Variants in ZNF573 observed in about 807,000 individuals in gnomAD.
ZNF573 encodes the protein zinc finger protein 573.
A neutral mutation model predicts 57.4 loss-of-function variants in ZNF573; 41 were observed. That is an observed-to-expected ratio of 0.71 (90% confidence interval 0.56 to 0.93). The LOEUF (loss-of-function observed/expected upper bound fraction) is 0.93, where lower values mean the gene tolerates loss of function less well. Ranked by LOEUF, ZNF573 falls within the 40% of genes least tolerant of loss-of-function variation. The pLI, the probability that ZNF573 is intolerant of heterozygous loss-of-function variation, is 0.00. For synonymous variants in ZNF573, 249 were observed against 261.0 expected, an observed-to-expected ratio of 0.95 and a Z score of 0.44; for missense variants, 730 against 794.8, an observed-to-expected ratio of 0.92 and a Z score of 0.98.
chr19:37,775,014 T>C (rs923130669), intron 1 of ZNF573, among the ~76,000 whole-genome samples: 3 of 149,034 alleles, frequency 2.0e-5, no homozygotes, highest in South Asian at 2.1e-4. Context: ...CTCTCTCTCT[T>C]TTTTTTTTTT....
At chr19:37,773,624 T>C (rs1158730701) in intron 2 of ZNF573, 37 bp downstream of exon 2, 2 of 1,490,848 alleles carry the variant, frequency 1.3e-6, no homozygotes, top group African/African-American at 2.8e-5. Context: ...TAACCTATGA[T>C]CATGATATTG....
Position 37,769,990 on chromosome 19 carries a change from C to A in ZNF573, c.295+15G>T, listed in dbSNP as rs1405602108. ...GGCTGTGGCCGGCCCTGATGGTGTC[C>A]CCTGCCTTCCTTACCTGTGAACTGT... On this transcript the variant is annotated intron_variant, in intron 4 of 4. Transcript: ENST00000536220. 5.2e-6 allele frequency: 8 copies of A among 1,548,364 alleles called. No homozygotes were observed. The highest frequency in any genetic ancestry group is 7.0e-6 in the Non-Finnish European group (8 of 1,144,454).
chr19:37,771,456 G>A, intron 3 of ZNF573, 108 bp downstream of exon 3: 1 of 1,308,534 alleles, frequency 7.6e-7, no homozygotes, highest in Non-Finnish European at 1.1e-6. Context: ...TCTAAGAACA[G>A]GAAGGAGAAA....
chr19:37,768,469 T>C (rs1348597635), intron 4 of ZNF573, among the ~76,000 whole-genome samples: 1 of 152,060 alleles, frequency 6.6e-6, no homozygotes, highest in African/African-American at 2.4e-5. Flanking sequence ...CCTTCTAAGC[T>C]CTTTATTCAG....
chr19:37,739,055 A>G lies in ZNF573; in HGVS notation c.1435T>C (p.Tyr479His), dbSNP rs1568413787. The G allele has an allele frequency of 5.6e-6, 9 of 1,613,286 alleles. No homozygotes were observed. Among genetic ancestry groups the G allele is most frequent in the Non-Finnish European group, 7.6e-6 (9 of 1,179,734 alleles). Residue 479 changes from tyrosine to histidine, a missense_variant, in exon 5 of 5, where the codon TAT (tyrosine) becomes CAT (histidine). Transcript: ENST00000536220. ...TGAATAAGGTTTGAGCCAGTACTATAGGCCTTCCCACATTCCTGACATTCA... is the reference window on the plus strand; with the variant it reads ...TGAATAAGGTTTGAGCCAGTACTATGGGCCTTCCCACATTCCTGACATTCA... ...LFECQECGKA[Y>H]STGSNLIQHR... is the part of the protein sequence containing the mutation.
chr19:37,762,103 T>C (rs751512109), intron 4 of ZNF573, among the ~76,000 whole-genome samples: 3 of 152,204 alleles, frequency 2.0e-5, no homozygotes, highest in African/African-American at 4.8e-5. Flanking sequence ...ATGGGAAGAA[T>C]AGAACATCAC....
intron 4 of ZNF573, among the ~76,000 whole-genome samples, chr19:37,760,493 A>G (rs897737689): frequency 6.6e-6 from 1 of 152,222 alleles, no homozygotes; most frequent in Non-Finnish European, 1.5e-5. Context: ...AATTGAATAA[A>G]TAGAGGAAAA....
chr19:37,746,149 A>G (rs1179787040), intron 4 of ZNF573, among the ~76,000 whole-genome samples: 1 of 152,266 alleles, frequency 6.6e-6, no homozygotes, highest in Admixed American at 6.5e-5. Context: ...TACTGCTTGT[A>G]GGTAATCAAT....
chr19:37,756,639 T>G (rs1245786893), intron 4 of ZNF573, among the ~76,000 whole-genome samples: 1 of 152,140 alleles, frequency 6.6e-6, no homozygotes, highest in African/African-American at 2.4e-5. Context: ...TAATGGCTCT[T>G]TGCATTCGGT....
intron 4 of ZNF573, among the ~76,000 whole-genome samples, chr19:37,762,773 T>A (rs1377619813): frequency 6.6e-6 from 1 of 150,920 alleles, no homozygotes; most frequent in Non-Finnish European, 1.5e-5. Context: ...TTGGAGCCAG[T>A]CTTTTTTTTT....
At chr19:37,755,278 A>C (rs1692744205) in intron 4 of ZNF573, 1 of 152,220 alleles carries the variant, frequency 6.6e-6, no homozygotes, top group African/African-American at 2.4e-5. Context: ...CAATGGAATA[A>C]ATCTAAATAA....
intron 1 of ZNF573, among the ~76,000 whole-genome samples, chr19:37,777,339 T>C (rs2045718703): frequency 6.6e-6 from 1 of 151,980 alleles, no homozygotes; most frequent in South Asian, 2.1e-4. Flanking sequence ...AAAAAGACAC[T>C]TGCACACACG....
At chr19:37,764,939 C>G (rs1599702548) in intron 4 of ZNF573, among the ~76,000 whole-genome samples, 2 of 131,138 alleles carry the variant, frequency 1.5e-5, no homozygotes, top group East Asian at 5.0e-4. Flanking sequence ...GAGTTTCACT[C>G]TTGTCGCCTA....
intron 1 of ZNF573, among the ~76,000 whole-genome samples, chr19:37,776,581 G>A (rs1430409477): frequency 6.6e-6 from 1 of 152,140 alleles, no homozygotes; most frequent in Non-Finnish European, 1.5e-5. Context: ...TAGGCAAAGA[G>A]TTCATGACCA....
chr19:37,740,071 T>C lies in ZNF573; in HGVS notation c.419A>G (p.Gln140Arg). The C allele has an allele frequency of 6.2e-7, 1 of 1,614,118 alleles. No individual in the cohort carries two copies. Among genetic ancestry groups the C allele is most frequent in the Non-Finnish European group, 8.5e-7 (1 of 1,179,990 alleles). ...TTGATAACCACTACTAAATTTCTTC[T>C]GACATTTCTTACATTCATAGAGTTT... Reference protein sequence around the residue: ...REKLYECKKCQKKFSSGYQLI... With the variant: ...REKLYECKKCRKKFSSGYQLI... The change falls in exon 5 of 5, where the codon CAG (glutamine) becomes CGG (arginine). Residue 140 changes from glutamine to arginine, a missense_variant. By Grantham distance (43) the Gln-to-Arg change is conservative. Coordinates refer to ENST00000536220, the MANE Select transcript of ZNF573 (RefSeq NM_001172690.2).
At chr19:37,745,501 T>G (rs746818863) in intron 4 of ZNF573, among the ~76,000 whole-genome samples, 16 of 152,238 alleles carry the variant, frequency 1.1e-4, no homozygotes, top group Non-Finnish European at 2.1e-4. Context: ...GTTCAACGGA[T>G]TCTACTGCCT....
chr19:37,748,445 G>C (rs1162057852), intron 4 of ZNF573, among the ~76,000 whole-genome samples: 3 of 152,088 alleles, frequency 2.0e-5, no homozygotes, highest in Admixed American at 1.3e-4. Flanking sequence ...GTGGAGAAAA[G>C]AAAACAAACA....
intron 4 of ZNF573, among the ~76,000 whole-genome samples, chr19:37,757,405 G>A (rs2045499428): frequency 1.3e-5 from 2 of 151,632 alleles, no homozygotes; most frequent in African/African-American, 4.9e-5. Flanking sequence ...CACCGTGTTA[G>A]CCATGATGGT....
intron 1 of ZNF573, among the ~76,000 whole-genome samples, chr19:37,775,842 C>CAAAAA (rs11390183): frequency 8.0e-6 from 1 of 125,222 alleles, no homozygotes; most frequent in Admixed American, 8.0e-5. Flanking sequence ...ACAACAGCTG[C>CAAAAA]AAAAAAAAAA....
Sources: gnomAD v4.1 joint callset for allele counts (sites outside exome capture counted in the v4.1 genomes callset) on GRCh38, gnomAD v4.1.1 for gene constraint, MANE v1.5 for transcripts, NCBI Gene and HGNC (gene_info 2026-07-23, HGNC 2026-07-21) for gene names.